CACHD1: variants seen among roughly 807,000 people sequenced by gnomAD.
CACHD1 encodes the protein VWFA and cache domain-containing protein 1.
A neutral mutation model predicts 138.7 loss-of-function variants in CACHD1; 71 were observed. That is an observed-to-expected ratio of 0.51 (90% CI 0.42 to 0.62). The LOEUF is 0.62. Among genes scored for constraint, CACHD1 ranks in the 20% least tolerant of loss-of-function variants. The pLI, the probability that CACHD1 is intolerant of heterozygous loss-of-function variation, is 0.00. For synonymous variants in CACHD1, 578 were observed against 591.5 expected (o/e 0.98, Z 0.33); for missense variants, 1,389 against 1,625.3 (o/e 0.85, Z 2.50).
intron 7 of CACHD1, 54 bp downstream of exon 7, chr1:64,634,314 G>C: frequency 1.6e-6 from 2 of 1,226,658 alleles, no homozygotes; most frequent in Non-Finnish European, 2.4e-6. Flanking sequence ...GATGGCAATA[G>C]GAATATATTG....
intron 25 of CACHD1, among the ~76,000 whole-genome samples, chr1:64,681,550 T>TGTTTTTTTG (rs1557555815): frequency 8.7e-6 from 1 of 115,130 alleles, no homozygotes; most frequent in African/African-American, 2.7e-5. Flanking sequence ...TGTTTTTTTT[T>TGTTTTTTTG]TTTTTTTTTT....
intron 1 of CACHD1, among the ~76,000 whole-genome samples, chr1:64,526,391 C>CTT (rs71584454): frequency 3.3e-5 from 5 of 150,934 alleles, no homozygotes; most frequent in Admixed American, 3.3e-4. Flanking sequence ...CTGCAAGTGC[C>CTT]TTTTTTTTTA....
chr1:64,501,747 C>A (rs1646341787), intron 1 of CACHD1, among the ~76,000 whole-genome samples: 3 of 152,214 alleles, frequency 2.0e-5, no homozygotes, highest in Admixed American at 2.0e-4. Flanking sequence ...ATTCCACTTT[C>A]TTCCAAGGCT....
chr1:64,655,002 T>C (rs542176351), intron 12 of CACHD1, among the ~76,000 whole-genome samples, 199 bp downstream of exon 12: 3 of 152,366 alleles, frequency 2.0e-5, no homozygotes, highest in African/African-American at 7.2e-5. Flanking sequence ...TTTATAAAAC[T>C]GATAATTGTT....
intron 1 of CACHD1, among the ~76,000 whole-genome samples, chr1:64,513,944 C>T (rs1049872040): frequency 3.3e-5 from 5 of 152,078 alleles, no homozygotes; most frequent in South Asian, 2.1e-4. Context: ...AAACAAAACA[C>T]CTATGCAGGT....
chr1:64,660,481 C>T (rs889491710), intron 13 of CACHD1, among the ~76,000 whole-genome samples: 1 of 151,398 alleles, frequency 6.6e-6, no homozygotes, highest in South Asian at 2.1e-4. Context: ...ATTCCATAAG[C>T]ATATTATAAA....
chr1:64,616,746 G>A (rs1337962574), intron 4 of CACHD1, among the ~76,000 whole-genome samples: 2 of 152,226 alleles, frequency 1.3e-5, no homozygotes, highest in East Asian at 3.9e-4. Context: ...ATGGAAAATG[G>A]AAGGAAGTGT....
intron 4 of CACHD1, among the ~76,000 whole-genome samples, chr1:64,610,316 A>G (rs1647484417): frequency 6.6e-6 from 1 of 152,216 alleles, no homozygotes; most frequent in African/African-American, 2.4e-5. Context: ...CCAAAGTCTT[A>G]ACTCATTCCA....
At chr1:64,607,965 G>C (rs1394218466) in intron 4 of CACHD1, among the ~76,000 whole-genome samples, 6 of 152,168 alleles carry the variant, frequency 3.9e-5, no homozygotes, top group Non-Finnish European at 8.8e-5. Context: ...ATGTATTTCA[G>C]TGTTTATTTG....
At chr1:64,518,522 T>C (rs907626968) in intron 1 of CACHD1, among the ~76,000 whole-genome samples, 1 of 152,158 alleles carries the variant, frequency 6.6e-6, no homozygotes, top group Non-Finnish European at 1.5e-5. Flanking sequence ...AATATGGCAA[T>C]ATCAGGGAAT....
chr1:64,599,819 C>G (rs965286585), intron 3 of CACHD1, among the ~76,000 whole-genome samples: 2 of 152,106 alleles, frequency 1.3e-5, no homozygotes, highest in Non-Finnish European at 2.9e-5. Context: ...TCTATGTATC[C>G]TCAGCATTGG....
chr1:64,494,160 C>T (rs1646293742), intron 1 of CACHD1, among the ~76,000 whole-genome samples: 1 of 152,178 alleles, frequency 6.6e-6, no homozygotes. Flanking sequence ...GCAATGAGGG[C>T]CCCACTTCTC....
At chr1:64,509,772 C>T (rs910307151) in intron 1 of CACHD1, among the ~76,000 whole-genome samples, 2 of 152,004 alleles carry the variant, frequency 1.3e-5, no homozygotes, top group African/African-American at 4.8e-5. Context: ...CATTTGCATC[C>T]CTTCTCAGTT....
chr1:64,577,798 ACAGAG>A (rs1333054213), intron 2 of CACHD1, among the ~76,000 whole-genome samples: 1 of 152,214 alleles, frequency 6.6e-6, no homozygotes, highest in Admixed American at 6.5e-5. Context: ...ATCCAAGTAG[ACAGAG>A]CATGGATTTG....
chr1:64,525,833 C>T (rs992086487), intron 1 of CACHD1, among the ~76,000 whole-genome samples: 16 of 152,328 alleles, frequency 1.1e-4, no homozygotes, highest in Middle Eastern at 3.4e-3. Flanking sequence ...AGGAAGAACA[C>T]ACTGCCTACA....
chr1:64,552,372 A>G (rs1646765398), intron 2 of CACHD1, among the ~76,000 whole-genome samples: 1 of 152,208 alleles, frequency 6.6e-6, no homozygotes, highest in Non-Finnish European at 1.5e-5. Context: ...TCCAAGAGGT[A>G]AAATAAGTTA....
intron 1 of CACHD1, among the ~76,000 whole-genome samples, chr1:64,496,031 C>T (rs1299013179): frequency 6.6e-6 from 1 of 152,112 alleles, no homozygotes; most frequent in African/African-American, 2.4e-5. Flanking sequence ...CACTTAATAC[C>T]TTTGCATTTT....
intron 4 of CACHD1, among the ~76,000 whole-genome samples, chr1:64,624,092 G>A (rs549148235): frequency 2.6e-5 from 4 of 152,208 alleles, no homozygotes; most frequent in Non-Finnish European, 5.9e-5. Flanking sequence ...CGCCTGGGAT[G>A]CACAGCACAT....
intron 3 of CACHD1, among the ~76,000 whole-genome samples, chr1:64,584,227 G>T (rs1335824506): frequency 6.6e-6 from 1 of 152,116 alleles, no homozygotes; most frequent in African/African-American, 2.4e-5. Context: ...CTGGAAGAAA[G>T]CTCCTGGCAT....
Sources: gnomAD v4.1 joint callset for allele counts (sites outside exome capture counted in the v4.1 genomes callset) on GRCh38, gnomAD v4.1.1 for gene constraint, MANE v1.5 for transcripts, NCBI Gene and HGNC (gene_info 2026-07-23, HGNC 2026-07-21) for gene names.